Variants in ST7 observed in about 807,000 individuals in gnomAD.
The protein encoded by ST7 is suppressor of tumorigenicity 7 protein.
In ST7, 28 loss-of-function variants were observed where a neutral mutation model predicts 78.7. The ratio of observed to expected loss-of-function variants is 0.36; its 90% CI spans 0.26 to 0.49. ST7 has a LOEUF of 0.49. Among genes scored for constraint, ST7 ranks in the 20% least tolerant of loss-of-function variants. ST7 has a pLI of 0.99. For missense variants in ST7, 418 were observed against 696.0 expected (o/e 0.60, Z 4.49); for synonymous variants, 247 against 249.6 (o/e 0.99, Z 0.10).
At chr7:117,111,632 C>T (rs1290751637) in intron 2 of ST7, among the ~76,000 whole-genome samples, 2 of 152,162 alleles carry the variant, frequency 1.3e-5, no homozygotes, top group African/African-American at 4.8e-5. Context: ...GTTCCTATGC[C>T]TATACCCATC....
At chr7:116,960,482 G>T (rs1242553753) in intron 1 of ST7, among the ~76,000 whole-genome samples, 1 of 152,172 alleles carries the variant, frequency 6.6e-6, no homozygotes, top group African/African-American at 2.4e-5. Context: ...AGCCACTGCA[G>T]ACACATAAAA....
intron 15 of ST7, among the ~76,000 whole-genome samples, chr7:117,228,190 T>C (rs1584650393): frequency 6.6e-6 from 1 of 152,224 alleles, no homozygotes; most frequent in South Asian, 2.1e-4. Context: ...CACTTGCCTC[T>C]TTCTCAAAAG....
chr7:116,961,785 A>C (rs549437781), intron 1 of ST7, among the ~76,000 whole-genome samples: 10 of 147,842 alleles, frequency 6.8e-5, no homozygotes, highest in Admixed American at 4.7e-4. Flanking sequence ...TTTTAATTTT[A>C]CTTTAAGTTC....
intron 15 of ST7, chr7:117,222,924 G>A: frequency 6.2e-7 from 1 of 1,614,100 alleles, no homozygotes; most frequent in Non-Finnish European, 8.5e-7. Flanking sequence ...TTTCATGCGT[G>A]TTGAAGATGA....
chr7:117,124,179 G>A (rs975088400), intron 3 of ST7, among the ~76,000 whole-genome samples: 6 of 151,994 alleles, frequency 3.9e-5, no homozygotes, highest in African/African-American at 1.2e-4. Context: ...GACCTTCGTC[G>A]GTCCCAAATT....
chr7:117,160,634 C>T (rs1807065709), intron 9 of ST7, among the ~76,000 whole-genome samples: 1 of 148,816 alleles, frequency 6.7e-6, no homozygotes, highest in Non-Finnish European at 1.5e-5. Flanking sequence ...TATACACATA[C>T]ATATACTTGT....
At chr7:117,115,204 G>A (rs1289798575) in intron 2 of ST7, among the ~76,000 whole-genome samples, 2 of 152,182 alleles carry the variant, frequency 1.3e-5, no homozygotes, top group East Asian at 3.9e-4. Context: ...ACTGAGATCA[G>A]TGTCACCCAG....
intron 15 of ST7, among the ~76,000 whole-genome samples, chr7:117,229,475 G>C (rs920055460): frequency 1.3e-5 from 2 of 152,222 alleles, no homozygotes; most frequent in Admixed American, 6.5e-5. Flanking sequence ...GCAGCTGGCA[G>C]ATGCTAAAGA....
intron 1 of ST7, among the ~76,000 whole-genome samples, chr7:117,031,835 T>C (rs1389484724): frequency 4.9e-5 from 5 of 102,920 alleles, no homozygotes; most frequent in East Asian, 6.8e-4. Flanking sequence ...TATCTATATC[T>C]ATATCTATAT....
intron 1 of ST7, among the ~76,000 whole-genome samples, chr7:117,025,191 G>C (rs1281212516): frequency 6.6e-6 from 1 of 152,118 alleles, no homozygotes; most frequent in East Asian, 1.9e-4. Flanking sequence ...TTAAACTTGG[G>C]CCTGTTGTTT....
At chr7:117,124,038 G>C (rs1298062494) in intron 3 of ST7, among the ~76,000 whole-genome samples, 1 of 151,786 alleles carries the variant, frequency 6.6e-6, no homozygotes, top group Non-Finnish European at 1.5e-5. Flanking sequence ...CTATATAAAT[G>C]TATATATTCT....
chr7:117,097,908 A>ATATATATTTTTTTTT, intron 1 of ST7, among the ~76,000 whole-genome samples: 1 of 30,020 alleles, frequency 3.3e-5, no homozygotes, highest in Non-Finnish European at 5.4e-5. Flanking sequence ...ATATATATAT[A>ATATATATTTTTTTTT]TTTTTTTTTT....
intron 1 of ST7, among the ~76,000 whole-genome samples, chr7:117,064,829 G>A (rs139722786): frequency 3.9e-5 from 6 of 152,268 alleles, no homozygotes; most frequent in South Asian, 2.1e-4. Flanking sequence ...CGGGAAGTGC[G>A]TGCCATGGAA....
chr7:116,961,979 C>T lies in ST7; in HGVS notation c.151+8288C>T, dbSNP rs1457542857. The stretch of plus-strand genomic sequence containing the variant: ...GGCCCTGGTGTGTGGTGTTCCTCTC[C>T]CTGTGTCCATGTGTTCTCATTGTTC... On this transcript the variant is annotated intron_variant, in intron 1 of 15. Transcript: ENST00000323984. Among the ~76,000 whole-genome samples, 3 of 151,808 alleles carry T rather than the reference C, an allele frequency of 2.0e-5. No homozygotes were observed. In the East Asian group the frequency reaches 5.8e-4, roughly 29 times the overall value.
At chr7:117,146,856 A>G (rs1367226654) in intron 9 of ST7, among the ~76,000 whole-genome samples, 1 of 152,158 alleles carries the variant, frequency 6.6e-6, no homozygotes, top group African/African-American at 2.4e-5. Flanking sequence ...GAGAGCACCT[A>G]TTCATTGTTA....
At chr7:117,020,429 T>C in intron 1 of ST7, 1 of 652,074 alleles carries the variant, frequency 1.5e-6, no homozygotes, top group Non-Finnish European at 2.5e-6. Context: ...AAACTGAAGC[T>C]CGTAACAGGA....
intron 1 of ST7, among the ~76,000 whole-genome samples, chr7:117,047,647 T>C (rs182779713): frequency 3.3e-5 from 5 of 152,192 alleles, no homozygotes; most frequent in Non-Finnish European, 7.3e-5. Flanking sequence ...ATTAAACAGA[T>C]GTAATGTGAA....
intron 1 of ST7, among the ~76,000 whole-genome samples, chr7:117,084,280 A>G (rs1799981027): frequency 6.6e-6 from 1 of 152,144 alleles, no homozygotes; most frequent in Non-Finnish European, 1.5e-5. Context: ...AGTTTGGGTT[A>G]GATTGGGTGC....
chr7:117,040,569 A>G (rs1229642487), intron 1 of ST7, among the ~76,000 whole-genome samples: 2 of 152,208 alleles, frequency 1.3e-5, no homozygotes, highest in Non-Finnish European at 2.9e-5. Flanking sequence ...TGGGCAGCAC[A>G]TTTCAACGGA....
Sources: allele counts gnomAD v4.1 joint callset (sites outside exome capture counted in the v4.1 genomes callset), GRCh38; gene constraint gnomAD v4.1.1; transcripts MANE v1.5; gene names NCBI Gene and HGNC (gene_info 2026-07-23, HGNC 2026-07-21).